TEAD1: variants seen among roughly 807,000 people sequenced by gnomAD.
The protein encoded by TEAD1 is TEA domain transcription factor 1.
In TEAD1, 9 loss-of-function variants were observed where a neutral mutation model predicts 54.9. The observed-to-expected ratio is 0.16, with a 90% CI of 0.10 to 0.29. TEAD1 has a LOEUF of 0.29. Ranked by LOEUF, TEAD1 falls within the 10% of genes least tolerant of loss-of-function variation. TEAD1 has a pLI of 1.00. For missense variants in TEAD1, 387 were observed against 535.9 expected, an observed-to-expected ratio of 0.72 and a Z score of 2.74; for synonymous variants, 200 against 187.8, an observed-to-expected ratio of 1.07 and a Z score of -0.53.
Position 12,943,542 on chromosome 11 carries a change from C to G in TEAD1, c.*6320C>G, listed in dbSNP as rs1194560991. 1 of 152,376 alleles carries G rather than the reference C, an allele frequency of 6.6e-6. No homozygotes were observed. The highest frequency in any genetic ancestry group is 1.5e-5 in the Non-Finnish European group (1 of 68,036). 9.4% of individuals were successfully genotyped at this position (152,376 alleles called of 1,614,324 possible). On this transcript the variant is annotated 3_prime_UTR_variant, in exon 13 of 13. Coordinates refer to ENST00000527636, the MANE Select transcript of TEAD1 (RefSeq NM_021961.6). ...TTTCCTCTGTGAATTTGCATTGAGT[C>G]ACTCATGCTACACTACATCGCTTTA...
intron 8 of TEAD1, 58 bp from the exon 9 acceptor site, chr11:12,882,943 G>T: frequency 6.2e-7 from 1 of 1,613,858 alleles, no homozygotes; most frequent in Non-Finnish European, 8.5e-7. Context: ...TCCAGTATTT[G>T]CCTGAGGCCC....
At chr11:12,797,418 C>T (rs1378360022) in intron 3 of TEAD1, among the ~76,000 whole-genome samples, 2 of 152,172 alleles carry the variant, frequency 1.3e-5, no homozygotes, top group African/African-American at 2.4e-5. Flanking sequence ...GCACCCTATC[C>T]AATGACAATT....
chr11:12,718,846 A>G (rs1346980724), intron 2 of TEAD1, among the ~76,000 whole-genome samples: 1 of 152,082 alleles, frequency 6.6e-6, no homozygotes, highest in Non-Finnish European at 1.5e-5. Flanking sequence ...AACAACTTTC[A>G]TCCTAATTTT....
intron 2 of TEAD1, among the ~76,000 whole-genome samples, chr11:12,743,992 C>G (rs142995417): frequency 6.6e-6 from 1 of 152,278 alleles, no homozygotes; most frequent in Admixed American, 6.5e-5. Flanking sequence ...TTGTACCAGT[C>G]GGGTACTGGA....
intron 10 of TEAD1, among the ~76,000 whole-genome samples, chr11:12,915,630 T>C (rs11606705): frequency 6.6e-6 from 1 of 152,252 alleles, no homozygotes; most frequent in African/African-American, 2.4e-5. Context: ...GGTGGATCAC[T>C]TGATGTCAGG....
At chr11:12,845,126 G>A (rs1195564855) in intron 3 of TEAD1, among the ~76,000 whole-genome samples, 3 of 151,670 alleles carry the variant, frequency 2.0e-5, no homozygotes, top group African/African-American at 2.4e-5. Context: ...TACCATGCCC[G>A]GCTAATTTTT....
intron 2 of TEAD1, among the ~76,000 whole-genome samples, chr11:12,682,777 C>T (rs748016410): frequency 7.2e-5 from 11 of 152,076 alleles, no homozygotes; most frequent in South Asian, 6.2e-4. Context: ...CTCCCCTGCC[C>T]GGCAGAGTTT....
At position 12,944,019 on chromosome 11, in the gene TEAD1, A is replaced by C; in HGVS notation, c.*6797A>C. On this transcript the variant is annotated 3_prime_UTR_variant, in exon 13 of 13. Transcript: ENST00000527636. ...TTCTTTAATAATACACTTAAATTTT[A>C]TGTAAATCGGTTTTCGCCACGTGTG... is the stretch of plus-strand genomic sequence containing the variant. 1 of 152,764 alleles carries C rather than the reference A, an allele frequency of 6.5e-6. No individual in the cohort carries two copies. The highest frequency in any genetic ancestry group is 2.1e-4 in the South Asian group (1 of 4,830). The allele number at this position is 152,764 out of a possible 1,614,324, so 9.5% of individuals were successfully genotyped here.
intron 2 of TEAD1, among the ~76,000 whole-genome samples, chr11:12,690,135 C>G (rs1019185937): frequency 6.6e-5 from 10 of 150,596 alleles, no homozygotes; most frequent in African/African-American, 2.4e-4. Flanking sequence ...CAGCTACTCC[C>G]GAAGCTGAAG....
In TEAD1 at chr11:12,837,732, C is replaced by T. The variant is rs374920891; in HGVS notation, c.203-24518C>T. On this transcript the variant is annotated intron_variant, in intron 3 of 12. Transcript: ENST00000527636. ...CCCTTCTCCTTCTCCTTCTTCTTCTCCTCCTCCTTCTTCTTCCTCCTCTTC... is the reference window on the plus strand; with the variant it reads ...CCCTTCTCCTTCTCCTTCTTCTTCTTCTCCTCCTTCTTCTTCCTCCTCTTC... Among the ~76,000 whole-genome samples, 557 of 109,350 alleles carry T rather than the reference C, an allele frequency of 5.1e-3. 5 individuals carry two copies. Among genetic ancestry groups the T allele is most frequent in the African/African-American group, 0.016 (517 of 31,654 alleles). 71.7% of individuals were successfully genotyped at this position (109,350 alleles called of 152,430 possible).
At chr11:12,825,870 T>TTCTCTACAGAG (rs1430886678) in intron 3 of TEAD1, among the ~76,000 whole-genome samples, 2 of 152,246 alleles carry the variant, frequency 1.3e-5, no homozygotes, top group African/African-American at 4.8e-5. Context: ...ATTACATTAT[T>TTCTCTACAGAG]GTCAATTGAT....
intron 2 of TEAD1, among the ~76,000 whole-genome samples, chr11:12,740,223 C>T (rs757663170): frequency 1.3e-5 from 2 of 152,166 alleles, no homozygotes; most frequent in Non-Finnish European, 2.9e-5. Context: ...TTAGTTTCCT[C>T]ATCTCTAAAA....
At chr11:12,822,125 G>A (rs1472586590) in intron 3 of TEAD1, among the ~76,000 whole-genome samples, 1 of 151,594 alleles carries the variant, frequency 6.6e-6, no homozygotes, top group Admixed American at 6.6e-5. Context: ...CACCATGCCC[G>A]GCTAATTTTT....
chr11:12,883,190 T>A (rs550975577), intron 9 of TEAD1, 65 bp downstream of exon 9: 1 of 1,610,918 alleles, frequency 6.2e-7, no homozygotes, highest in Non-Finnish European at 8.5e-7. Flanking sequence ...TTTACCTCCT[T>A]GCTTCTCTTT....
chr11:12,814,898 C>T (rs949393630), intron 3 of TEAD1, among the ~76,000 whole-genome samples: 1 of 151,792 alleles, frequency 6.6e-6, no homozygotes, highest in Non-Finnish European at 1.5e-5. Context: ...CGTCCCGGAG[C>T]GCACGCACCC....
chr11:12,911,676 GTCT>G (rs1362159541), intron 10 of TEAD1, among the ~76,000 whole-genome samples: 1 of 129,268 alleles, frequency 7.7e-6, no homozygotes, highest in Non-Finnish European at 1.7e-5. Context: ...GGTTACATGA[GTCT>G]TTTTTTTTTT....
rs138656348 is a variant in TEAD1, at chr11:12,851,225, A to G, written c.203-11025A>G. ...AGTAGAGAAAAAACAACAACAGAGG[A>G]TACTAAGAACCAGAGGAGGAGAGAG... On this transcript the variant is annotated intron_variant, in intron 3 of 12. Coordinates refer to ENST00000527636, the MANE Select transcript of TEAD1 (RefSeq NM_021961.6). The G allele has an allele frequency of 2.6e-4, 100 of 379,804 alleles. 1 individual carries two copies. Among genetic ancestry groups the G allele is most frequent in the African/African-American group, 2.0e-3 (90 of 45,610 alleles). The allele number at this position is 379,804 out of a possible 1,614,324, so 23.5% of individuals were successfully genotyped here.
chr11:12,803,898 T>C (rs2133979313), intron 3 of TEAD1, among the ~76,000 whole-genome samples: 1 of 152,344 alleles, frequency 6.6e-6, no homozygotes, highest in South Asian at 2.1e-4. Context: ...ACACTTGTCC[T>C]GAAGCAGCGT....
chr11:12,730,846 A>G (rs1051301446), intron 2 of TEAD1, among the ~76,000 whole-genome samples: 1 of 151,688 alleles, frequency 6.6e-6, no homozygotes, highest in Non-Finnish European at 1.5e-5. Context: ...AACTACAGGC[A>G]CACACCACCA....
Sources: gnomAD v4.1 joint callset for allele counts (sites outside exome capture counted in the v4.1 genomes callset) on GRCh38, gnomAD v4.1.1 for gene constraint, MANE v1.5 for transcripts, NCBI Gene and HGNC (gene_info 2026-07-23, HGNC 2026-07-21) for gene names.